The following RFX2 variants were observed in gnomAD, a reference collection of about 807,000 sequenced individuals.
RFX2 encodes the protein DNA-binding protein RFX2.
A neutral mutation model predicts 87.8 loss-of-function variants in RFX2; 20 were observed. The ratio of observed to expected loss-of-function variants is 0.23; its 90% CI spans 0.16 to 0.33. RFX2 has a LOEUF of 0.33. Ranked by LOEUF, RFX2 falls within the 10% of genes least tolerant of loss-of-function variation. The probability of loss-of-function intolerance (pLI) is 1.00; values close to 1 mark genes in which losing one functional copy is unlikely to be tolerated. For synonymous variants in RFX2, 397 were observed against 431.3 expected (o/e 0.92, Z 0.98); for missense variants, 767 against 1,012.3 (o/e 0.76, Z 3.29).
At position 6,010,050 on chromosome 19, in the gene RFX2, G is replaced by T; in HGVS notation, c.1015+86C>A. 2.6e-6 allele frequency: 2 copies of T among 765,126 alleles called. No individual in the cohort carries two copies. Among genetic ancestry groups the T allele is most frequent in the South Asian group, 1.8e-5 (1 of 56,888 alleles). 47.4% of individuals were successfully genotyped at this position (765,126 alleles called of 1,614,324 possible). ...GAAAACTGTCGGAAGCAGACGCTTA[G>T]ACACCACTGGTTCTGCTGGTGTTGA... On this transcript the variant is annotated intron_variant, in intron 9 of 17. Transcript: ENST00000303657. The surrounding 1 kb of genome is among the most constrained non-coding windows in gnomAD (Gnocchi z 5.0).
chr19:6,091,414 C>G (rs1012367629), intron 1 of RFX2, among the ~76,000 whole-genome samples: 1 of 151,080 alleles, frequency 6.6e-6, no homozygotes, highest in Admixed American at 6.6e-5. Context: ...CACCACCCCA[C>G]TGCAGCCTGG....
In RFX2 at chr19:6,064,572, T is replaced by C. The variant is rs1038872682; in HGVS notation, c.-8-17068A>G. The stretch of plus-strand genomic sequence containing the variant: ...CTCAGCAGTAGCATCTCCTGCTTTC[T>C]CAGCCTGGTGACCTGACCCGGCAGC... On this transcript the variant is annotated intron_variant, in intron 1 of 17. Transcript: ENST00000303657. This position sits in a 1 kb window ranked among gnomAD's most constrained non-coding sequence, Gnocchi z 4.8. 1.3e-5 allele frequency among the ~76,000 whole-genome samples: 2 copies of C among 152,218 alleles called. No individual in the cohort carries two copies. Among genetic ancestry groups the C allele is most frequent in the Non-Finnish European group, 2.9e-5 (2 of 68,028 alleles).
chr19:6,078,338 T>TAAAAAA (rs57427287), intron 1 of RFX2: 1 of 114,254 alleles, frequency 8.8e-6, no homozygotes, highest in African/African-American at 3.2e-5. Flanking sequence ...AGCACAGCTG[T>TAAAAAA]AAAAAAAAAA....
rs1198174377 is a variant in RFX2, at chr19:5,997,862, C to T, written c.1860-649G>A. Among the ~76,000 whole-genome samples, 2 of 152,312 alleles carry T rather than the reference C, an allele frequency of 1.3e-5. No individual in the cohort carries two copies. The highest frequency in any genetic ancestry group is 3.9e-4 in the East Asian group (2 of 5,188). ...AAAAGAATAATTATATTCGGTGGCA[C>T]GTGGAAATTACATGAAATTCACATT... On this transcript the variant is annotated intron_variant, in intron 15 of 17. Transcript: ENST00000303657. This position sits in a 1 kb window ranked among gnomAD's most constrained non-coding sequence, Gnocchi z 4.2.
intron 1 of RFX2, among the ~76,000 whole-genome samples, chr19:6,097,786 TTGCCCAG>T (rs1312308731): frequency 1.1e-4 from 16 of 152,148 alleles, no homozygotes; most frequent in Non-Finnish European, 2.9e-5. Flanking sequence ...TCTTGTTATG[TTGCCCAG>T]GCTGGTCTTG....
intron 1 of RFX2, among the ~76,000 whole-genome samples, chr19:6,095,204 C>G (rs1003211040): frequency 2.6e-5 from 4 of 152,122 alleles, no homozygotes; most frequent in African/African-American, 9.7e-5. Flanking sequence ...TCTTTATTGG[C>G]CGGTAATGAT....
intron 1 of RFX2, among the ~76,000 whole-genome samples, chr19:6,087,274 T>TAGC (rs765156473): frequency 1.3e-5 from 2 of 152,056 alleles, no homozygotes; most frequent in Non-Finnish European, 2.9e-5. Flanking sequence ...AGTCCACAGG[T>TAGC]GGCTACTCCT....
chr19:5,995,864 G>T (rs1371613528), intron 16 of RFX2, among the ~76,000 whole-genome samples: 2 of 152,226 alleles, frequency 1.3e-5, no homozygotes, highest in Non-Finnish European at 2.9e-5. Flanking sequence ...GGTGGAGGGT[G>T]CTGACTACTC....
chr19:6,055,271 C>T (rs954138075), intron 1 of RFX2, among the ~76,000 whole-genome samples: 3 of 151,892 alleles, frequency 2.0e-5, no homozygotes, highest in Admixed American at 2.0e-4. Context: ...AATGATATGA[C>T]CACACTGGAA....
chr19:6,015,677 T>G (rs1319006919), intron 7 of RFX2, among the ~76,000 whole-genome samples: 1 of 152,014 alleles, frequency 6.6e-6, no homozygotes, highest in African/African-American at 2.4e-5. Flanking sequence ...ATTTTTAATT[T>G]TTTTGTAGAG....
At chr19:6,009,621 A>G (rs569358991) in intron 9 of RFX2, among the ~76,000 whole-genome samples, 1 of 151,764 alleles carries the variant, frequency 6.6e-6, no homozygotes, top group Non-Finnish European at 1.5e-5. Context: ...TCGCTCTGTC[A>G]CCCAGGTTGG....
rs905656726 is a variant in RFX2, at chr19:5,998,174, G to A, written c.1860-961C>T. Among the ~76,000 whole-genome samples the A allele has an allele frequency of 5.9e-5, 9 of 152,294 alleles. No homozygotes were observed. Among genetic ancestry groups the A allele is most frequent in the African/African-American group, 2.2e-4 (9 of 41,568 alleles). On this transcript the variant is annotated intron_variant, in intron 15 of 17. Transcript: ENST00000303657. The surrounding 1 kb of genome is among the most constrained non-coding windows in gnomAD (Gnocchi z 4.2). ...AATACAAAAATTAGTGAGGCATGGTGGCACATGCCTGTAATCCCAGCTACT... is the reference window on the plus strand; with the variant it reads ...AATACAAAAATTAGTGAGGCATGGTAGCACATGCCTGTAATCCCAGCTACT...
intron 1 of RFX2, chr19:6,073,385 G>A (rs1300001051): frequency 8.2e-7 from 1 of 1,217,130 alleles, no homozygotes; most frequent in African/African-American, 1.5e-5. Context: ...CAAGGAGCTG[G>A]AAGTGCTGAT....
rs1302490651 is a variant in RFX2, at chr19:6,039,630, G to A, written c.522+350C>T. Among the ~76,000 whole-genome samples the A allele has an allele frequency of 2.0e-5, 3 of 152,160 alleles. No individual in the cohort carries two copies. The highest frequency in any genetic ancestry group is 6.5e-5 in the Admixed American group (1 of 15,272). The stretch of plus-strand genomic sequence containing the variant: ...GTGTCTCATGGATGGATTGATCCAC[G>A]CCTCTAAAAGCTTGATAGTAACAAC... On this transcript the variant is annotated intron_variant, in intron 5 of 17. Transcript: ENST00000303657. The surrounding 1 kb of genome is among the most constrained non-coding windows in gnomAD (Gnocchi z 5.2).
chr19:6,104,547 C>T (rs1325696412), intron 1 of RFX2, among the ~76,000 whole-genome samples: 1 of 143,930 alleles, frequency 6.9e-6, no homozygotes, highest in Non-Finnish European at 1.5e-5. Context: ...CCAGCCTGGG[C>T]AACAGAGTGA....
chr19:6,011,116 CA>C lies in RFX2; in HGVS notation c.900-866del, dbSNP rs1221029677. ...GGGCGACAAAAGCGAAACTCGGTCT[CA>C]AAAAAAATAAATAAATTAATTAAAA... is the stretch of plus-strand genomic sequence containing the variant. On this transcript the variant is annotated intron_variant, in intron 8 of 17. Coordinates refer to ENST00000303657, the MANE Select transcript of RFX2 (RefSeq NM_000635.4). This position sits in a 1 kb window ranked among gnomAD's most constrained non-coding sequence, Gnocchi z 4.8. 2.1e-5 allele frequency among the ~76,000 whole-genome samples: 3 copies of C among 144,826 alleles called. No individual in the cohort carries two copies. The highest frequency in any genetic ancestry group is 5.5e-5 in the African/African-American group (2 of 36,496).
intron 1 of RFX2, among the ~76,000 whole-genome samples, chr19:6,094,541 A>G (rs1051542757): frequency 2.6e-5 from 4 of 152,196 alleles, no homozygotes; most frequent in African/African-American, 9.6e-5. Context: ...AGTAGCCAAT[A>G]TAGTGGTCAC....
chr19:6,075,791 G>A (rs949910867), intron 1 of RFX2, among the ~76,000 whole-genome samples: 3 of 152,174 alleles, frequency 2.0e-5, no homozygotes, highest in Non-Finnish European at 4.4e-5. Context: ...GATTCGGGGA[G>A]TGAGCCAGGC....
chr19:6,016,294 G>A lies in RFX2; in HGVS notation c.598-23C>T. Reference sequence around the variant, plus strand: ...GAGCTGTAAAAAGAAAGACACGTCTGCGTTTGTCAGAAGCCTGAGGAACGC... The same window carrying A: ...GAGCTGTAAAAAGAAAGACACGTCTACGTTTGTCAGAAGCCTGAGGAACGC... On this transcript the variant is annotated intron_variant, in intron 6 of 17. Coordinates refer to ENST00000303657, the MANE Select transcript of RFX2 (RefSeq NM_000635.4). This position sits in a 1 kb window ranked among gnomAD's most constrained non-coding sequence, Gnocchi z 5.4. 6.4e-7 allele frequency: 1 copy of A among 1,569,878 alleles called. No individual in the cohort carries two copies. Among genetic ancestry groups the A allele is most frequent in the East Asian group, 2.3e-5 (1 of 43,938 alleles).
Sources: allele counts gnomAD v4.1 joint callset (sites outside exome capture counted in the v4.1 genomes callset), GRCh38; gene constraint gnomAD v4.1.1; non-coding constraint Gnocchi (gnomAD v3.1); transcripts MANE v1.5; gene names NCBI Gene and HGNC (gene_info 2026-07-23, HGNC 2026-07-21).